Variants in TACC2 observed in about 807,000 individuals in gnomAD.
TACC2 encodes transforming acidic coiled-coil-containing protein 2.
In TACC2, 137 loss-of-function variants were observed where a neutral mutation model predicts 227.3. That is an observed-to-expected ratio of 0.60 (90% CI 0.52 to 0.69). The LOEUF is 0.69. Among genes scored for constraint, TACC2 ranks in the 30% least tolerant of loss-of-function variants. The probability of loss-of-function intolerance (pLI) is 0.00; values close to 1 mark genes in which losing one functional copy is unlikely to be tolerated. For missense variants in TACC2, 3,470 were observed against 3,694.4 expected (o/e 0.94, Z 1.57); for synonymous variants, 1,523 against 1,487.5 (o/e 1.02, Z -0.55).
intron 5 of TACC2, among the ~76,000 whole-genome samples, chr10:122,114,320 T>G (rs1320805623): frequency 6.6e-6 from 1 of 152,214 alleles, no homozygotes; most frequent in Non-Finnish European, 1.5e-5. Flanking sequence ...GGAAATGACT[T>G]TTTTTCCGGG....
intron 5 of TACC2, among the ~76,000 whole-genome samples, chr10:122,095,583 A>G (rs942764641): frequency 1.3e-5 from 2 of 152,190 alleles, no homozygotes; most frequent in African/African-American, 4.8e-5. Context: ...GAGGCTCCCA[A>G]TGGTGACATG....
At chr10:122,169,536 T>C (rs1175989887) in intron 7 of TACC2, among the ~76,000 whole-genome samples, 1 of 152,220 alleles carries the variant, frequency 6.6e-6, no homozygotes, top group African/African-American at 2.4e-5. Flanking sequence ...CATGTTCCAG[T>C]AGAGTTTTAG....
intron 9 of TACC2, among the ~76,000 whole-genome samples, chr10:122,214,847 GC>G (rs1254861239): frequency 3.9e-5 from 6 of 152,130 alleles, no homozygotes; most frequent in Admixed American, 2.6e-4. Context: ...CCACCTAGAA[GC>G]CTTCAGAGCA....
intron 3 of TACC2, among the ~76,000 whole-genome samples, chr10:122,070,828 G>C (rs1331477606): frequency 6.6e-6 from 1 of 151,842 alleles, no homozygotes; most frequent in Non-Finnish European, 1.5e-5. Flanking sequence ...GGGAGGCTGA[G>C]GTGGGAGAAT....
intron 1 of TACC2, among the ~76,000 whole-genome samples, chr10:122,011,580 G>T (rs368820425): frequency 1.3e-5 from 2 of 152,212 alleles, no homozygotes; most frequent in Admixed American, 6.5e-5. Context: ...TGCCCACCTC[G>T]GCCTCCCAAA....
chr10:122,213,505 G>C, intron 9 of TACC2: 2 of 893,478 alleles, frequency 2.2e-6, no homozygotes, highest in South Asian at 1.3e-5. Flanking sequence ...GTGGGCCTGC[G>C]AATGATGGGG....
intron 7 of TACC2, among the ~76,000 whole-genome samples, chr10:122,171,346 G>C (rs960263361): frequency 1.3e-5 from 2 of 152,154 alleles, no homozygotes; most frequent in African/African-American, 2.4e-5. Flanking sequence ...GCCGAGGTAG[G>C]GGGGTGGAGG....
At chr10:122,077,355 C>G (rs2078934591) in intron 3 of TACC2, among the ~76,000 whole-genome samples, 1 of 152,098 alleles carries the variant, frequency 6.6e-6, no homozygotes, top group Non-Finnish European at 1.5e-5. Context: ...CCATTACACT[C>G]CAATAGGGAA....
At chr10:122,081,263 TA>T (rs2079448976) in intron 3 of TACC2, among the ~76,000 whole-genome samples, 1 of 151,480 alleles carries the variant, frequency 6.6e-6, no homozygotes. Context: ...CTCACGCCTG[TA>T]ATCCCAGCAC....
intron 5 of TACC2, among the ~76,000 whole-genome samples, chr10:122,109,185 T>C (rs560773377): frequency 6.6e-6 from 1 of 152,322 alleles, no homozygotes; most frequent in South Asian, 2.1e-4. Flanking sequence ...AGGAGTGGGA[T>C]TGCTGGATCG....
intron 9 of TACC2, 58 bp downstream of exon 9, chr10:122,211,766 C>T (rs2095299083): frequency 6.9e-7 from 1 of 1,450,042 alleles, no homozygotes; most frequent in Non-Finnish European, 9.2e-7. Context: ...TTGGCTGTGA[C>T]CCTTGGTCAT....
intron 16 of TACC2, among the ~76,000 whole-genome samples, chr10:122,234,241 C>T (rs2095814984): frequency 6.6e-6 from 1 of 152,230 alleles, no homozygotes; most frequent in African/African-American, 2.4e-5. Context: ...CCCCCAGCTG[C>T]CAGCAGGAAG....
chr10:122,138,710 C>A (rs1377379385), intron 6 of TACC2, among the ~76,000 whole-genome samples: 1 of 152,210 alleles, frequency 6.6e-6, no homozygotes, highest in African/African-American at 2.4e-5. Context: ...TACATTTCTT[C>A]AGAGCCTTTG....
Position 122,070,528 on chromosome 10 carries a change from C to T in TACC2, c.147-12119C>T, listed in dbSNP as rs573933031. 1.1e-4 allele frequency among the ~76,000 whole-genome samples: 17 copies of T among 152,018 alleles called. No homozygotes were observed. In the South Asian group the frequency reaches 1.3e-3, roughly 11 times the overall value. On this transcript the variant is annotated intron_variant, in intron 3 of 22. Transcript: ENST00000369005. ...CCAGCATTTTGGAGGCTAAGGCGGG[C>T]GGATCACCTGAGGTCGGGAGTTGGA... is the stretch of plus-strand genomic sequence containing the variant.
intron 2 of TACC2, among the ~76,000 whole-genome samples, chr10:122,042,994 T>A (rs2074490205): frequency 6.6e-6 from 1 of 152,188 alleles, no homozygotes. Context: ...CCCTTTTATT[T>A]GTACAGTTGT....
chr10:122,120,391 G>A (rs1188983766), intron 5 of TACC2, among the ~76,000 whole-genome samples: 1 of 152,174 alleles, frequency 6.6e-6, no homozygotes, highest in East Asian at 1.9e-4. Context: ...TCATTAGGTG[G>A]AAGAGGCACC....
At chr10:122,250,901 T>C (rs2141959974) in intron 22 of TACC2, among the ~76,000 whole-genome samples, 1 of 149,554 alleles carries the variant, frequency 6.7e-6, no homozygotes, top group East Asian at 2.0e-4. Flanking sequence ...TACAGATCAT[T>C]ATTTTCATTC....
At chr10:122,120,278 C>G (rs2085481167) in intron 5 of TACC2, among the ~76,000 whole-genome samples, 1 of 152,218 alleles carries the variant, frequency 6.6e-6, no homozygotes, top group African/African-American at 2.4e-5. Flanking sequence ...GGGCACTGCT[C>G]ACAGCCTCCT....
chr10:122,136,971 A>G (rs905803345), intron 6 of TACC2, among the ~76,000 whole-genome samples: 1 of 152,178 alleles, frequency 6.6e-6, no homozygotes, highest in African/African-American at 2.4e-5. Flanking sequence ...GTTGCCTGCT[A>G]ATTCTTTGGT....
Sources: allele counts gnomAD v4.1 joint callset (sites outside exome capture counted in the v4.1 genomes callset), GRCh38; gene constraint gnomAD v4.1.1; transcripts MANE v1.5; gene names NCBI Gene and HGNC (gene_info 2026-07-23, HGNC 2026-07-21).